Variants in DLG2 observed in about 807,000 individuals in gnomAD.
DLG2 encodes the protein disks large homolog 2.
Under a neutral mutation model 132.5 loss-of-function variants are expected in DLG2, and 45 were observed. The ratio of observed to expected loss-of-function variants is 0.34; its 90% CI spans 0.27 to 0.44. The LOEUF (loss-of-function observed/expected upper bound fraction) is 0.44. DLG2 is among the 20% of genes least tolerant of loss of function. DLG2 has a pLI of 1.00. For synonymous variants in DLG2, 424 were observed against 419.6 expected, an observed-to-expected ratio of 1.01 and a Z score of -0.13; for missense variants, 1,045 against 1,196.9, an observed-to-expected ratio of 0.87 and a Z score of 1.87.
intron 6 of DLG2, among the ~76,000 whole-genome samples, chr11:84,558,892 G>T (rs926239950): frequency 6.6e-6 from 1 of 152,044 alleles, no homozygotes. Flanking sequence ...AGACTTCAGG[G>T]TCTCCTCCAG....
intron 6 of DLG2, among the ~76,000 whole-genome samples, chr11:85,047,055 T>C (rs1286456005): frequency 6.6e-6 from 1 of 152,026 alleles, no homozygotes; most frequent in African/African-American, 2.4e-5. Context: ...GAGATAGTTA[T>C]CTCTTAGTGG....
At chr11:84,304,776 C>T (rs557771540) in intron 7 of DLG2, among the ~76,000 whole-genome samples, 3 of 152,306 alleles carry the variant, frequency 2.0e-5, no homozygotes, top group Admixed American at 6.5e-5. Flanking sequence ...TGGAGCTACA[C>T]AAAACGAAGT....
At chr11:85,578,264 G>A (rs891224190) in intron 3 of DLG2, among the ~76,000 whole-genome samples, 2 of 152,050 alleles carry the variant, frequency 1.3e-5, no homozygotes. Context: ...AAACTTAAAT[G>A]TAAAACCCAA....
intron 4 of DLG2, among the ~76,000 whole-genome samples, chr11:85,191,551 T>A (rs546871311): frequency 2.6e-5 from 4 of 152,296 alleles, no homozygotes; most frequent in Admixed American, 2.6e-4. Context: ...AGAAAATCCA[T>A]ATCCCATCAC....
intron 3 of DLG2, among the ~76,000 whole-genome samples, chr11:85,459,255 C>T (rs1275372315): frequency 1.3e-5 from 2 of 152,168 alleles, no homozygotes; most frequent in African/African-American, 4.8e-5. Context: ...AAATGTAGAG[C>T]CACTGCTACT....
intron 6 of DLG2, among the ~76,000 whole-genome samples, chr11:84,623,968 C>A (rs879575733): frequency 6.6e-6 from 1 of 152,156 alleles, no homozygotes; most frequent in Non-Finnish European, 1.5e-5. Flanking sequence ...ATTTTTGTAT[C>A]TTCAATGCCT....
intron 2 of DLG2, among the ~76,000 whole-genome samples, chr11:85,611,651 A>G (rs2081006973): frequency 6.6e-6 from 1 of 152,258 alleles, no homozygotes; most frequent in Non-Finnish European, 1.5e-5. Flanking sequence ...CCCGAGCCTT[A>G]TAACTGGGAA....
At chr11:83,627,460 G>C (rs142523599) in intron 19 of DLG2, among the ~76,000 whole-genome samples, 1 of 151,970 alleles carries the variant, frequency 6.6e-6, no homozygotes, top group East Asian at 1.9e-4. Flanking sequence ...GAGAAGATGC[G>C]GTGTTTGGTT....
intron 6 of DLG2, among the ~76,000 whole-genome samples, chr11:84,581,515 T>A (rs1486072228): frequency 6.6e-6 from 1 of 152,210 alleles, no homozygotes; most frequent in Non-Finnish European, 1.5e-5. Flanking sequence ...GCTAAGCTAT[T>A]TCTCAAATTT....
chr11:84,366,774 T>C (rs1432230076), intron 7 of DLG2, among the ~76,000 whole-genome samples: 4 of 152,134 alleles, frequency 2.6e-5, no homozygotes, highest in Non-Finnish European at 4.4e-5. Context: ...ATCCTAAATA[T>C]ATATGCACCC....
At chr11:84,038,865 G>A (rs1234435225) in intron 11 of DLG2, among the ~76,000 whole-genome samples, 3 of 151,968 alleles carry the variant, frequency 2.0e-5, no homozygotes, top group Admixed American at 6.6e-5. Flanking sequence ...GAGAAGTGAT[G>A]AGCCAAAGGG....
chr11:85,103,780 G>T (rs991074096), intron 6 of DLG2, among the ~76,000 whole-genome samples: 1 of 151,716 alleles, frequency 6.6e-6, no homozygotes, highest in Non-Finnish European at 1.5e-5. Flanking sequence ...AAAGTAAAAA[G>T]ATAACCCACA....
intron 21 of DLG2, among the ~76,000 whole-genome samples, chr11:83,512,680 C>G (rs989231792): frequency 5.3e-5 from 8 of 152,060 alleles, no homozygotes; most frequent in Non-Finnish European, 1.2e-4. Context: ...TATCCCTCCC[C>G]CTTCCCCCCA....
At chr11:83,506,592 C>T (rs1454308879) in intron 21 of DLG2, among the ~76,000 whole-genome samples, 1 of 152,176 alleles carries the variant, frequency 6.6e-6, no homozygotes, top group Admixed American at 6.5e-5. Context: ...GAGGCCATCA[C>T]ATTTGCCTCA....
intron 6 of DLG2, among the ~76,000 whole-genome samples, chr11:84,582,493 C>T (rs2099518983): frequency 6.8e-6 from 1 of 148,082 alleles, no homozygotes; most frequent in Admixed American, 6.8e-5. Context: ...AATAAACATA[C>T]ATACATATAT....
intron 6 of DLG2, among the ~76,000 whole-genome samples, chr11:84,793,852 C>T (rs2074207755): frequency 6.6e-6 from 1 of 152,100 alleles, no homozygotes; most frequent in African/African-American, 2.4e-5. Context: ...TGCATTCAGC[C>T]ATTCTATGTC....
At chr11:85,514,680 A>G (rs1203830583) in intron 3 of DLG2, among the ~76,000 whole-genome samples, 1 of 151,932 alleles carries the variant, frequency 6.6e-6, no homozygotes, top group Non-Finnish European at 1.5e-5. Flanking sequence ...GTTTTGTTTT[A>G]AACAGAGTTG....
chr11:83,786,341 T>C (rs772883319), intron 18 of DLG2: 19 of 201,806 alleles, frequency 9.4e-5, no homozygotes, highest in Non-Finnish European at 1.5e-4. Flanking sequence ...TTTCTGCAGA[T>C]GAAATCTCTC....
At position 83,727,984 on chromosome 11, in the gene DLG2, T is replaced by C. The variant is rs539871884; in HGVS notation, c.1825+58706A>G. ...TGGATTTTACAGGGCATAAAGTCTT[T>C]GGTTAGTGGTATCACAATTGTAGTG... On this transcript the variant is annotated intron_variant, in intron 18 of 27. Transcript: ENST00000376104. 5.3e-5 allele frequency among the ~76,000 whole-genome samples: 8 copies of C among 152,292 alleles called. No individual in the cohort carries two copies. The South Asian group carries it at 6.2e-4, about 12-fold the overall frequency.
Sources: gnomAD v4.1 joint callset for allele counts (sites outside exome capture counted in the v4.1 genomes callset) on GRCh38, gnomAD v4.1.1 for gene constraint, MANE v1.5 for transcripts, NCBI Gene and HGNC (gene_info 2026-07-23, HGNC 2026-07-21) for gene names.